FOXP1: variants seen among roughly 807,000 people sequenced by gnomAD.
FOXP1 encodes forkhead box P1.
A neutral mutation model predicts 98.2 loss-of-function variants in FOXP1; 15 were observed. The ratio of observed to expected loss-of-function variants is 0.15; its 90% CI spans 0.10 to 0.24. The LOEUF (loss-of-function observed/expected upper bound fraction) is 0.24. Among genes scored for constraint, FOXP1 ranks in the 10% least tolerant of loss-of-function variants. The pLI is 1.00. For synonymous variants in FOXP1, 371 were observed against 314.5 expected, an observed-to-expected ratio of 1.18 and a Z score of -1.90; for missense variants, 633 against 848.5, an observed-to-expected ratio of 0.75 and a Z score of 3.15.
chr3:71,570,674 A>G (rs2047273307), intron 2 of FOXP1: 1 of 152,256 alleles, frequency 6.6e-6, no homozygotes, highest in Non-Finnish European at 1.5e-5. Flanking sequence ...AGTTTGGGCA[A>G]CACTTGGGGA....
At chr3:71,431,459 T>C (rs2084709222) in intron 3 of FOXP1, among the ~76,000 whole-genome samples, 1 of 152,152 alleles carries the variant, frequency 6.6e-6, no homozygotes, top group Non-Finnish European at 1.5e-5. Flanking sequence ...TTAGCTAAGC[T>C]ACGAGCTTCA....
intron 3 of FOXP1, among the ~76,000 whole-genome samples, chr3:71,385,457 A>C (rs2080496957): frequency 6.6e-6 from 1 of 152,342 alleles, no homozygotes; most frequent in South Asian, 2.1e-4. Context: ...CTGCAGCAGC[A>C]GGGAGCAGAA....
chr3:71,266,390 C>T (rs535429953), intron 5 of FOXP1, among the ~76,000 whole-genome samples: 16 of 152,072 alleles, frequency 1.1e-4, no homozygotes, highest in African/African-American at 3.9e-4. Context: ...GCTGGGACTA[C>T]AGGTGCCCGC....
chr3:71,121,057 T>A (rs201251586), intron 6 of FOXP1, among the ~76,000 whole-genome samples: 2 of 142,534 alleles, frequency 1.4e-5, no homozygotes, highest in Non-Finnish European at 3.1e-5. Context: ...TTTTTTTTTT[T>A]ACAAGAACTG....
intron 2 of FOXP1, among the ~76,000 whole-genome samples, chr3:71,576,509 T>G (rs1158641619): frequency 6.6e-6 from 1 of 152,200 alleles, no homozygotes; most frequent in East Asian, 1.9e-4. Flanking sequence ...CTTCTGTCTT[T>G]AATTAAATTT....
chr3:71,468,713 C>T (rs1171784088), intron 3 of FOXP1, among the ~76,000 whole-genome samples: 2 of 152,152 alleles, frequency 1.3e-5, no homozygotes, highest in Non-Finnish European at 2.9e-5. Flanking sequence ...TTGTTTTCCC[C>T]CTGGGGCCTG....
At chr3:71,491,612 G>A (rs1360347657) in intron 3 of FOXP1, among the ~76,000 whole-genome samples, 1 of 152,084 alleles carries the variant, frequency 6.6e-6, no homozygotes, top group Non-Finnish European at 1.5e-5. Context: ...CAGGAGGCTG[G>A]ATTTTTTTTT....
At chr3:71,515,933 G>A (rs1170344368) in intron 2 of FOXP1, among the ~76,000 whole-genome samples, 1 of 152,216 alleles carries the variant, frequency 6.6e-6, no homozygotes, top group Non-Finnish European at 1.5e-5. Flanking sequence ...GCAGCCAGGA[G>A]AATGGGTTAG....
chr3:71,551,921 C>T (rs2045810101), intron 2 of FOXP1, among the ~76,000 whole-genome samples: 1 of 152,156 alleles, frequency 6.6e-6, no homozygotes, highest in African/African-American at 2.4e-5. Flanking sequence ...CACCTCTAAA[C>T]CATTCCCTCC....
At chr3:71,176,396 G>A (rs911840970) in intron 6 of FOXP1, among the ~76,000 whole-genome samples, 19 of 152,230 alleles carry the variant, frequency 1.2e-4, no homozygotes, top group Non-Finnish European at 2.4e-4. Context: ...CCAGATTTCC[G>A]CGTTCTTAGA....
intron 4 of FOXP1, among the ~76,000 whole-genome samples, chr3:71,353,268 A>G (rs1166523026): frequency 6.6e-6 from 1 of 152,248 alleles, no homozygotes; most frequent in Non-Finnish European, 1.5e-5. Flanking sequence ...TATTGAGAAG[A>G]GGGCAGCACA....
At chr3:71,342,995 A>G (rs773712569) in intron 4 of FOXP1, among the ~76,000 whole-genome samples, 14 of 152,232 alleles carry the variant, frequency 9.2e-5, no homozygotes, top group Non-Finnish European at 1.8e-4. Context: ...CACCTGTAAC[A>G]TGAAGGTGGT....
In FOXP1 at chr3:71,233,774, T is replaced by C. The variant is rs900257487; in HGVS notation, c.-11-35382A>G. On this transcript the variant is annotated intron_variant, in intron 5 of 20. Transcript: ENST00000649528. The stretch of plus-strand genomic sequence containing the variant: ...AAGGACAAAAGAGGATCAGGACTTG[T>C]ATATTTTTGGAAAACAAGGAAGGCA... Among the ~76,000 whole-genome samples the C allele has an allele frequency of 1.1e-4, 16 of 152,130 alleles. 1 individual carries two copies. Among genetic ancestry groups the C allele is most frequent in the Non-Finnish European group, 1.5e-5 (1 of 68,032 alleles).
intron 3 of FOXP1, among the ~76,000 whole-genome samples, chr3:71,467,243 A>G (rs1364827705): frequency 2.0e-5 from 3 of 152,236 alleles, no homozygotes; most frequent in Admixed American, 6.5e-5. Context: ...ATACACACAC[A>G]TATATACCTA....
At chr3:71,526,870 G>C (rs1295538081) in intron 2 of FOXP1, among the ~76,000 whole-genome samples, 1 of 151,898 alleles carries the variant, frequency 6.6e-6, no homozygotes, top group East Asian at 1.9e-4. Context: ...GGGAGGCTGG[G>C]GCAGGAGAAT....
intron 11 of FOXP1, among the ~76,000 whole-genome samples, 157 bp from the exon 12 acceptor site, chr3:71,015,810 G>A (rs1403265016): frequency 6.6e-6 from 1 of 152,158 alleles, no homozygotes; most frequent in African/African-American, 2.4e-5. Flanking sequence ...AATTAATTCT[G>A]CATTGTTGCC....
chr3:71,015,081 T>G (rs560463762), intron 12 of FOXP1, among the ~76,000 whole-genome samples: 1 of 151,914 alleles, frequency 6.6e-6, no homozygotes, highest in South Asian at 2.1e-4. Flanking sequence ...GGCACATGTA[T>G]ACATATGTAA....
At chr3:71,137,145 C>A (rs899906244) in intron 6 of FOXP1, among the ~76,000 whole-genome samples, 2 of 152,166 alleles carry the variant, frequency 1.3e-5, no homozygotes, top group South Asian at 2.1e-4. Context: ...ACACGCCTAG[C>A]GGCCTCTGAG....
chr3:71,542,657 G>A (rs2044954997), intron 2 of FOXP1, among the ~76,000 whole-genome samples: 2 of 152,232 alleles, frequency 1.3e-5, no homozygotes, highest in African/African-American at 4.8e-5. Context: ...ATGAAATGGA[G>A]AGCAGAAGTG....
Sources: allele counts gnomAD v4.1 joint callset (sites outside exome capture counted in the v4.1 genomes callset), GRCh38; gene constraint gnomAD v4.1.1; transcripts MANE v1.5; gene names NCBI Gene and HGNC (gene_info 2026-07-23, HGNC 2026-07-21).